The following SFXN4 variants were observed in gnomAD, a reference collection of about 807,000 sequenced individuals.
SFXN4 encodes the protein sideroflexin 4.
SFXN4 carries 48 observed loss-of-function variants against 54.6 expected under a neutral mutation model. The observed-to-expected ratio is 0.88, with a 90% CI of 0.70 to 1.12. The LOEUF is 1.12. SFXN4 is among the 50% of genes most tolerant of loss of function. The probability of loss-of-function intolerance (pLI) is 0.00; values close to 1 mark genes in which losing one functional copy is unlikely to be tolerated. For synonymous variants in SFXN4, 130 were observed against 145.5 expected (o/e 0.89, Z 0.77); for missense variants, 383 against 409.2 (o/e 0.94, Z 0.55).
In SFXN4 at chr10:119,144,291, C is replaced by T. The variant is rs189859237; in HGVS notation, c.936+1945G>A. On this transcript the variant is annotated intron_variant, in intron 13 of 13. Transcript: ENST00000355697. ...CTAACATGGTGAAACCCCATTTCTACTAAAAAATACAAAAAATTAGCTGGG... is the reference window on the plus strand; with the variant it reads ...CTAACATGGTGAAACCCCATTTCTATTAAAAAATACAAAAAATTAGCTGGG... Among the ~76,000 whole-genome samples the T allele has an allele frequency of 2.1e-3, 325 of 152,088 alleles. 1 individual carries two copies. The highest frequency in any genetic ancestry group is 6.9e-3 in the African/African-American group (287 of 41,500).
Position 119,154,993 on chromosome 10 carries a change from G to A in SFXN4, c.732+69C>T, listed in dbSNP as rs1057198012. The A allele has an allele frequency of 2.9e-4, 298 of 1,039,290 alleles. 1 individual carries two copies. The highest frequency in any genetic ancestry group is 9.3e-5 in the Non-Finnish European group (62 of 667,806). 64.4% of individuals were successfully genotyped at this position (1,039,290 alleles called of 1,614,324 possible). ...TGAAGGCAGACATGAATTTGTCACCGGCTTTCAAACAGAAAAGTCTAGTCG... is the reference window on the plus strand; with the variant it reads ...TGAAGGCAGACATGAATTTGTCACCAGCTTTCAAACAGAAAAGTCTAGTCG... On this transcript the variant is annotated intron_variant, in intron 11 of 13. Transcript: ENST00000355697.
At position 119,141,186 on chromosome 10, in the gene SFXN4, C is replaced by T. The variant is rs1396302728; in HGVS notation, c.*56G>A. 1.5e-6 allele frequency: 2 copies of T among 1,357,332 alleles called. No individual in the cohort carries two copies. The highest frequency in any genetic ancestry group is 2.1e-6 in the Non-Finnish European group (2 of 955,672). The allele number at this position is 1,357,332 out of a possible 1,614,324, so 84.1% of individuals were successfully genotyped here. Reference sequence around the variant, plus strand: ...TGTGGCAAAGTTCTCTAAACCGAACCTGGAGAGGGGAAGGTTTTCAAGCAG... The same window carrying T: ...TGTGGCAAAGTTCTCTAAACCGAACTTGGAGAGGGGAAGGTTTTCAAGCAG... On this transcript the variant is annotated 3_prime_UTR_variant, in exon 14 of 14. Coordinates refer to ENST00000355697, the MANE Select transcript of SFXN4 (RefSeq NM_213649.2).
intron 2 of SFXN4, among the ~76,000 whole-genome samples, chr10:119,162,957 G>C (rs1039033769): frequency 2.0e-5 from 3 of 151,818 alleles, no homozygotes; most frequent in Non-Finnish European, 4.4e-5. Flanking sequence ...CACTACACCT[G>C]GCTAACTTTC....
In SFXN4 at chr10:119,155,163, T is replaced by A; in HGVS notation, c.631A>T (p.Met211Leu). 6.2e-7 allele frequency: 1 copy of A among 1,613,364 alleles called. No homozygotes were observed. The highest frequency in any genetic ancestry group is 8.5e-7 in the Non-Finnish European group (1 of 1,179,256). Residue 211 changes from methionine to leucine, a missense_variant, in exon 11 of 14, where the codon ATG (methionine) becomes TTG (leucine). Coordinates refer to ENST00000355697, the MANE Select transcript of SFXN4 (RefSeq NM_213649.2). ...AGACTTCGGGACATGTAGACATTCA[T>A]TCCACTGGCTTGCACTGTAGATGTA... ...PVIFLVQASGMNVYMSRSLES... is the reference protein window; with the variant it reads ...PVIFLVQASGLNVYMSRSLES...
At chr10:119,155,543 A>C (rs530281284) in intron 10 of SFXN4, among the ~76,000 whole-genome samples, 1 of 151,938 alleles carries the variant, frequency 6.6e-6, no homozygotes, top group East Asian at 1.9e-4. Context: ...CCCAGGCTGG[A>C]GTGCAATGGT....
At position 119,159,733 on chromosome 10, in the gene SFXN4, G is replaced by A. The variant is rs1847439494; in HGVS notation, c.355C>T (p.Pro119Ser). 1 of 1,614,052 alleles carries A rather than the reference G, an allele frequency of 6.2e-7. No individual in the cohort carries two copies. The highest frequency in any genetic ancestry group is 1.7e-5 in the Admixed American group (1 of 60,006). Reference protein sequence around the residue: ...RPAAFLPFMAPTVFLSMTPLK... With the variant: ...RPAAFLPFMASTVFLSMTPLK... Reference sequence around the variant, plus strand: ...GCAAATGTCTGCTTGCTCACCGTGGGTGCCATGAAAGGCAGGAACGCTGGC... The same window carrying A: ...GCAAATGTCTGCTTGCTCACCGTGGATGCCATGAAAGGCAGGAACGCTGGC... The change falls in exon 6 of 14, where the codon CCC (proline) becomes TCC (serine). Residue 119 changes from proline to serine, a missense_variant. Physicochemically the swap from Pro to Ser is moderately conservative, Grantham distance 74. Coordinates refer to ENST00000355697, the MANE Select transcript of SFXN4 (RefSeq NM_213649.2).
chr10:119,165,621 C>A lies in SFXN4; in HGVS notation c.27G>T (p.Thr9=). 6.3e-7 allele frequency: 1 copy of A among 1,592,122 alleles called. No homozygotes were observed. Among genetic ancestry groups the A allele is most frequent in the Admixed American group, 1.7e-5 (1 of 58,374 alleles). MSLEQEEE[T]QPGRLLGRRD... The stretch of plus-strand genomic sequence containing the variant: ...TGCGTCCTAGGAGCCGCCCAGGTTG[C>A]GTTTCCTCCTCCTGTTCCAGGGACA... Residue 9 remains threonine, a synonymous_variant, in exon 1 of 14, where the codon ACG becomes ACT. Coordinates refer to ENST00000355697, the MANE Select transcript of SFXN4 (RefSeq NM_213649.2).
At chr10:119,152,241 T>TTC (rs56729547) in intron 11 of SFXN4, among the ~76,000 whole-genome samples, 181 of 151,520 alleles carry the variant, frequency 1.2e-3, no homozygotes, top group Middle Eastern at 3.4e-3. Context: ...TTTTTTTTTT[T>TTC]CCCCAGGGGA....
intron 11 of SFXN4, among the ~76,000 whole-genome samples, chr10:119,154,188 A>G (rs1469684654): frequency 2.6e-5 from 4 of 151,980 alleles, no homozygotes; most frequent in Non-Finnish European, 4.4e-5. Context: ...AAAAAAAAAA[A>G]AAAAGAAAAG....
chr10:119,164,059 AAAAAAG>A, intron 2 of SFXN4, 66 bp downstream of exon 2: 1 of 891,534 alleles, frequency 1.1e-6, no homozygotes. Flanking sequence ...AAAAAAAAAA[AAAAAAG>A]GGACACACAG....
At chr10:119,142,986 C>A (rs997124381) in intron 13 of SFXN4, among the ~76,000 whole-genome samples, 5 of 152,130 alleles carry the variant, frequency 3.3e-5, no homozygotes, top group African/African-American at 7.2e-5. Flanking sequence ...CCCGCCTCGG[C>A]CTCCCAAAGT....
chr10:119,159,031 G>C (rs548053950), intron 6 of SFXN4, among the ~76,000 whole-genome samples: 7 of 151,962 alleles, frequency 4.6e-5, no homozygotes, highest in Admixed American at 3.9e-4. Context: ...TGTAATCCCA[G>C]CACTTTCGGA....
Position 119,157,902 on chromosome 10 carries a change from GC to G in SFXN4, c.439del (p.Ala147ArgfsTer16), listed in dbSNP as rs1338571732. 6.2e-7 allele frequency: 1 copy of G among 1,614,082 alleles called. No individual in the cohort carries two copies. Among genetic ancestry groups the G allele is most frequent in the Non-Finnish European group, 8.5e-7 (1 of 1,180,046 alleles). On this transcript the variant is annotated frameshift_variant, in exon 8 of 14. Coordinates refer to ENST00000355697, the MANE Select transcript of SFXN4 (RefSeq NM_213649.2). LOFTEE classifies it high-confidence loss of function. ...TCTGTTTCCATTGATGCTGTTGAAC[GC>G]TGCCATGTAGGCACAGAGGAAAACC... ...PQVFLCAYMAAFNSINGNRSY... is the reference protein window; with the variant it reads ...PQVFLCAYMAXFNSINGNRSY...
At chr10:119,150,167 A>C (rs1431982768) in intron 11 of SFXN4, among the ~76,000 whole-genome samples, 1 of 151,826 alleles carries the variant, frequency 6.6e-6, no homozygotes, top group Non-Finnish European at 1.5e-5. Flanking sequence ...TTTAAAGTAG[A>C]CCAGTAAAGC....
chr10:119,150,343 C>A (rs1227654069), intron 11 of SFXN4, among the ~76,000 whole-genome samples: 2 of 151,948 alleles, frequency 1.3e-5, no homozygotes, highest in African/African-American at 4.8e-5. Flanking sequence ...GAGCCTAGCA[C>A]CAAGCCTGGC....
At chr10:119,154,537 A>G (rs1847200907) in intron 11 of SFXN4, among the ~76,000 whole-genome samples, 1 of 152,164 alleles carries the variant, frequency 6.6e-6, no homozygotes, top group Admixed American at 6.6e-5. Context: ...AGAGATTTCA[A>G]AAAGGAATTG....
At chr10:119,145,268 A>AC (rs1379175054) in intron 13 of SFXN4, among the ~76,000 whole-genome samples, 1 of 148,840 alleles carries the variant, frequency 6.7e-6, no homozygotes, top group Non-Finnish European at 1.5e-5. Context: ...GAAACTGATG[A>AC]CTCACCTTCA....
At chr10:119,165,095 T>C (rs1056607638) in intron 1 of SFXN4, 2 of 426,580 alleles carry the variant, frequency 4.7e-6, no homozygotes, top group Middle Eastern at 1.2e-3. Context: ...ATATTTCTAT[T>C]GGACGGTGCT....
At chr10:119,145,180 C>A (rs1846735455) in intron 13 of SFXN4, among the ~76,000 whole-genome samples, 2 of 152,108 alleles carry the variant, frequency 1.3e-5, no homozygotes, top group South Asian at 4.1e-4. Context: ...ACCCCTGAGA[C>A]AGCAAGACCA....
Sources: gnomAD v4.1 joint callset for allele counts (sites outside exome capture counted in the v4.1 genomes callset) on GRCh38, gnomAD v4.1.1 for gene constraint, MANE v1.5 for transcripts, NCBI Gene and HGNC (gene_info 2026-07-23, HGNC 2026-07-21) for gene names.